Variants in ST3GAL3 observed in about 807,000 individuals in gnomAD.
ST3GAL3 encodes the protein CMP-N-acetylneuraminate-beta-1,4-galactoside alpha-2,3-sialyltransferase.
In ST3GAL3, 21 loss-of-function variants were observed where a neutral mutation model predicts 50.1. That is an observed-to-expected ratio of 0.42 (90% CI 0.30 to 0.60). The LOEUF (loss-of-function observed/expected upper bound fraction) is 0.60, where lower values mean the gene tolerates loss of function less well. ST3GAL3 is among the 20% of genes least tolerant of loss of function. ST3GAL3 has a pLI of 0.19. For missense variants in ST3GAL3, 353 were observed against 489.4 expected (o/e 0.72, Z 2.63); for synonymous variants, 183 against 190.0 (o/e 0.96, Z 0.30).
intron 9 of ST3GAL3, among the ~76,000 whole-genome samples, chr1:43,908,533 G>A (rs557263977): frequency 5.3e-5 from 8 of 152,170 alleles, no homozygotes; most frequent in African/African-American, 1.9e-4. Flanking sequence ...GCAGGCTCAA[G>A]CTCAAGAACC....
rs77475248 is a variant in ST3GAL3, at chr1:43,865,912, G to A, written c.302+27601G>A. On this transcript the variant is annotated intron_variant, in intron 5 of 11. Transcript: ENST00000347631. The stretch of plus-strand genomic sequence containing the variant: ...TTTGTTTTTGGCACGGATTGGTGCC[G>A]TAAGTGTCAGTGGGTGGGATACATT... Among the ~76,000 whole-genome samples, 380 of 152,342 alleles carry A rather than the reference G, an allele frequency of 2.5e-3. 1 individual carries two copies. Among genetic ancestry groups the A allele is most frequent in the African/African-American group, 7.3e-3 (304 of 41,582 alleles).
intron 1 of ST3GAL3, among the ~76,000 whole-genome samples, chr1:43,729,093 T>TTC (rs1553256463): frequency 9.5e-5 from 14 of 146,720 alleles, no homozygotes; most frequent in African/African-American, 2.7e-4. Context: ...ATTTTTCTTT[T>TTC]TTTTTTTTTT....
chr1:43,793,141 G>C lies in ST3GAL3; in HGVS notation c.166+992G>C, dbSNP rs186515574. 1.5e-3 allele frequency among the ~76,000 whole-genome samples: 221 copies of C among 152,304 alleles called. 1 individual carries two copies. Among genetic ancestry groups the C allele is most frequent in the Non-Finnish European group, 5.9e-4 (40 of 68,026 alleles). ...AGCCACCACTATTTACTGAGGGTCT[G>C]CCTGTTTTACTGTGTGCCAGCACTG... is the stretch of plus-strand genomic sequence containing the variant. On this transcript the variant is annotated intron_variant, in intron 3 of 11. Transcript: ENST00000347631.
At chr1:43,865,525 G>T (rs151296749) in intron 5 of ST3GAL3, among the ~76,000 whole-genome samples, 9 of 152,216 alleles carry the variant, frequency 5.9e-5, no homozygotes, top group Admixed American at 4.6e-4. Context: ...TTGGCACCAT[G>T]CTGGGTACTA....
chr1:43,790,797 A>G (rs9787240), intron 2 of ST3GAL3, among the ~76,000 whole-genome samples: 39,985 of 146,426 alleles, frequency 0.27, 5,898 homozygotes, highest in Middle Eastern at 0.36. Flanking sequence ...CGCCCAGCTA[A>G]TTTTTTTTTT....
intron 5 of ST3GAL3, among the ~76,000 whole-genome samples, chr1:43,869,968 C>T (rs1179835143): frequency 2.0e-5 from 3 of 152,172 alleles, no homozygotes; most frequent in African/African-American, 4.8e-5. Context: ...AGGGCAGTTG[C>T]CTTATGCTTC....
chr1:43,786,016 AT>A (rs112668946), intron 2 of ST3GAL3, among the ~76,000 whole-genome samples: 29 of 150,054 alleles, frequency 1.9e-4, no homozygotes, highest in South Asian at 8.5e-4. Flanking sequence ...CCTTTTAAGC[AT>A]TTTTTTTTGG....
intron 3 of ST3GAL3, among the ~76,000 whole-genome samples, chr1:43,796,111 CA>C (rs1217724323): frequency 6.6e-6 from 1 of 152,194 alleles, no homozygotes; most frequent in Non-Finnish European, 1.5e-5. Context: ...GTAGGCCCTT[CA>C]AGCACCTAAA....
chr1:43,806,443 G>T (rs1448163679), intron 3 of ST3GAL3, among the ~76,000 whole-genome samples: 1 of 152,164 alleles, frequency 6.6e-6, no homozygotes, highest in Admixed American at 6.5e-5. Context: ...AAGCAATGAC[G>T]GGATAGGGAG....
chr1:43,848,768 G>A (rs1221393669), intron 5 of ST3GAL3, among the ~76,000 whole-genome samples: 3 of 152,026 alleles, frequency 2.0e-5, no homozygotes, highest in Non-Finnish European at 4.4e-5. Flanking sequence ...CCTTTCCCAG[G>A]ATTCAAATTA....
intron 3 of ST3GAL3, among the ~76,000 whole-genome samples, chr1:43,807,022 G>A (rs537610034): frequency 6.6e-6 from 1 of 152,198 alleles, no homozygotes; most frequent in African/African-American, 2.4e-5. Flanking sequence ...AGAAAGATAT[G>A]TTCAAAGGCC....
At chr1:43,803,029 G>T (rs887227166) in intron 3 of ST3GAL3, among the ~76,000 whole-genome samples, 2 of 152,010 alleles carry the variant, frequency 1.3e-5, no homozygotes, top group Non-Finnish European at 2.9e-5. Context: ...GGGTTCAAAT[G>T]ATTCTCCTGC....
Position 43,868,114 on chromosome 1 carries a change from C to T in ST3GAL3, c.303-26269C>T, listed in dbSNP as rs111676740. 5.9e-5 allele frequency among the ~76,000 whole-genome samples: 9 copies of T among 152,230 alleles called. 2 individuals are homozygous for T. Among genetic ancestry groups the T allele is most frequent in the African/African-American group, 2.2e-4 (9 of 41,528 alleles). On this transcript the variant is annotated intron_variant, in intron 5 of 11. Transcript: ENST00000347631. ...GATAATAGCAAAAAACTGGAAACAC[C>T]CTAAGTGCCTCTGAGCCAAGCATGA... is the stretch of plus-strand genomic sequence containing the variant.
chr1:43,897,945 C>A (rs1350231532), intron 6 of ST3GAL3, among the ~76,000 whole-genome samples: 3 of 152,186 alleles, frequency 2.0e-5, no homozygotes, highest in Non-Finnish European at 4.4e-5. Context: ...GGCCTGACTA[C>A]AGAGCCTCAG....
intron 5 of ST3GAL3, among the ~76,000 whole-genome samples, chr1:43,868,048 T>G (rs1027283777): frequency 6.6e-6 from 1 of 152,232 alleles, no homozygotes; most frequent in African/African-American, 2.4e-5. Context: ...TAATCATATC[T>G]GTGTATGCAT....
intron 1 of ST3GAL3, among the ~76,000 whole-genome samples, chr1:43,733,245 C>T (rs930742531): frequency 1.3e-5 from 2 of 152,170 alleles, no homozygotes; most frequent in Admixed American, 1.3e-4. Flanking sequence ...ATGCAGTCCT[C>T]CTACTTCGGC....
intron 3 of ST3GAL3, among the ~76,000 whole-genome samples, chr1:43,797,189 AC>A (rs2058772669): frequency 6.6e-6 from 1 of 152,214 alleles, no homozygotes; most frequent in Non-Finnish European, 1.5e-5. Flanking sequence ...TGACAGTGAG[AC>A]CCTATCTCTA....
chr1:43,895,188 G>A (rs370751992), intron 6 of ST3GAL3, among the ~76,000 whole-genome samples: 2 of 152,050 alleles, frequency 1.3e-5, no homozygotes, highest in Non-Finnish European at 2.9e-5. Context: ...AGTGCCCCAC[G>A]TCCCTCTATC....
chr1:43,837,457 T>G (rs550961315), intron 4 of ST3GAL3, among the ~76,000 whole-genome samples: 1 of 152,316 alleles, frequency 6.6e-6, no homozygotes, highest in Middle Eastern at 3.4e-3. Context: ...TTCCCACTAC[T>G]GGGGAATGGT....
Sources: gnomAD v4.1 joint callset for allele counts (sites outside exome capture counted in the v4.1 genomes callset) on GRCh38, gnomAD v4.1.1 for gene constraint, MANE v1.5 for transcripts, NCBI Gene and HGNC (gene_info 2026-07-23, HGNC 2026-07-21) for gene names.